The following SORCS3 variants were observed in gnomAD, a reference collection of about 807,000 sequenced individuals.
SORCS3 encodes sortilin related VPS10 domain containing receptor 3, also known as VPS10 domain-containing receptor SorCS3.
A neutral mutation model predicts 146.3 loss-of-function variants in SORCS3; 57 were observed. The observed-to-expected ratio is 0.39, with a 90% CI of 0.31 to 0.49. SORCS3 has a LOEUF of 0.49. Among genes scored for constraint, SORCS3 ranks in the 20% least tolerant of loss-of-function variants. The probability of loss-of-function intolerance (pLI) is 0.92; values close to 1 mark genes in which losing one functional copy is unlikely to be tolerated. For missense variants in SORCS3, 1,341 were observed against 1,575.5 expected (o/e 0.85, Z 2.52); for synonymous variants, 653 against 618.5 (o/e 1.06, Z -0.83).
chr10:105,027,913 A>G (rs919059311), intron 4 of SORCS3, among the ~76,000 whole-genome samples: 7 of 152,212 alleles, frequency 4.6e-5, no homozygotes, highest in Non-Finnish European at 8.8e-5. Flanking sequence ...ATGAATCACT[A>G]TATGTATTTA....
intron 2 of SORCS3, among the ~76,000 whole-genome samples, chr10:104,859,347 G>A (rs1460121172): frequency 6.6e-6 from 1 of 152,090 alleles, no homozygotes; most frequent in African/African-American, 2.4e-5. Flanking sequence ...AATGGTGCTG[G>A]GAAAATTGGC....
At chr10:105,212,659 G>A (rs1230616594) in intron 17 of SORCS3, among the ~76,000 whole-genome samples, 2 of 152,120 alleles carry the variant, frequency 1.3e-5, no homozygotes, top group African/African-American at 4.8e-5. Context: ...AAACAAATAT[G>A]CTACAGATGT....
chr10:105,134,483 C>T (rs1198115418), intron 7 of SORCS3, among the ~76,000 whole-genome samples: 6 of 151,292 alleles, frequency 4.0e-5, no homozygotes, highest in African/African-American at 7.3e-5. Context: ...AGTGAAGGCC[C>T]GGTGTCTGCT....
At chr10:105,187,072 G>C (rs991543316) in intron 14 of SORCS3, among the ~76,000 whole-genome samples, 1 of 152,056 alleles carries the variant, frequency 6.6e-6, no homozygotes, top group African/African-American at 2.4e-5. Flanking sequence ...GCCCATTACA[G>C]GGATTTAGTT....
chr10:105,252,493 A>G (rs760801685), intron 22 of SORCS3, among the ~76,000 whole-genome samples: 26 of 152,222 alleles, frequency 1.7e-4, no homozygotes, highest in Non-Finnish European at 3.5e-4. Flanking sequence ...ACTTTTGCCA[A>G]TGTTCCCAGC....
chr10:105,131,570 G>A (rs10884101), intron 7 of SORCS3, among the ~76,000 whole-genome samples: 13,007 of 152,192 alleles, frequency 0.085, 688 homozygotes, highest in Admixed American at 0.16. Context: ...AGAAACATCT[G>A]CCTTGGCCGT....
chr10:104,948,172 T>G (rs1190416692), intron 3 of SORCS3, among the ~76,000 whole-genome samples: 1 of 152,166 alleles, frequency 6.6e-6, no homozygotes, highest in Non-Finnish European at 1.5e-5. Flanking sequence ...CCCTGCCTGG[T>G]CCTGTCTTAA....
intron 1 of SORCS3, among the ~76,000 whole-genome samples, chr10:104,739,144 C>T (rs2016812159): frequency 6.6e-6 from 1 of 152,194 alleles, no homozygotes; most frequent in South Asian, 2.1e-4. Context: ...TCACTTTTGT[C>T]TCTGCTGCCA....
chr10:105,123,215 T>A (rs2055947800), intron 7 of SORCS3, among the ~76,000 whole-genome samples: 1 of 152,194 alleles, frequency 6.6e-6, no homozygotes, highest in Non-Finnish European at 1.5e-5. Flanking sequence ...ACACCCCAAG[T>A]CATCTTTGCA....
At chr10:105,126,228 G>A (rs892403081) in intron 7 of SORCS3, among the ~76,000 whole-genome samples, 15 of 152,040 alleles carry the variant, frequency 9.9e-5, no homozygotes, top group Admixed American at 9.8e-4. Context: ...GTAACACACA[G>A]CAAACAAACA....
chr10:105,092,059 A>G (rs996072783), intron 6 of SORCS3, among the ~76,000 whole-genome samples: 3 of 152,228 alleles, frequency 2.0e-5, no homozygotes, highest in Non-Finnish European at 4.4e-5. Flanking sequence ...CTCAGGCTTA[A>G]GACACATTAT....
chr10:104,958,924 C>T (rs369283990), intron 3 of SORCS3, among the ~76,000 whole-genome samples: 1 of 152,016 alleles, frequency 6.6e-6, no homozygotes, highest in East Asian at 1.9e-4. Context: ...CTCACTGTCA[C>T]GAGAACAGCA....
At chr10:105,262,228 T>C (rs968671261) in intron 25 of SORCS3, 103 bp from the exon 26 acceptor site, 1 of 1,046,486 alleles carries the variant, frequency 9.6e-7, no homozygotes. Flanking sequence ...CATGGACCCT[T>C]CCTATTAATA....
At chr10:105,177,551 A>G (rs763556466) in intron 13 of SORCS3, among the ~76,000 whole-genome samples, 3 of 151,328 alleles carry the variant, frequency 2.0e-5, no homozygotes, top group Non-Finnish European at 4.4e-5. Context: ...AACATCTCAG[A>G]CTCTCAGTGG....
chr10:105,016,155 A>ATATATATATTT (rs71482443), intron 4 of SORCS3, among the ~76,000 whole-genome samples: 14 of 101,342 alleles, frequency 1.4e-4, no homozygotes, highest in African/African-American at 5.8e-4. Flanking sequence ...ATATATATAT[A>ATATATATATTT]TTTTTTTTTT....
intron 7 of SORCS3, among the ~76,000 whole-genome samples, chr10:105,121,526 C>T (rs765730688): frequency 1.3e-5 from 2 of 152,114 alleles, no homozygotes; most frequent in Non-Finnish European, 2.9e-5. Flanking sequence ...TGCATTAGCA[C>T]CTAATAATTG....
intron 14 of SORCS3, among the ~76,000 whole-genome samples, chr10:105,190,511 G>C (rs563759083): frequency 3.5e-4 from 54 of 152,300 alleles, no homozygotes; most frequent in African/African-American, 1.2e-3. Flanking sequence ...CAGTTCTCCT[G>C]CTTTAGCCTC....
At chr10:104,663,577 A>AT (rs1401116722) in intron 1 of SORCS3, among the ~76,000 whole-genome samples, 4 of 152,004 alleles carry the variant, frequency 2.6e-5, no homozygotes, top group African/African-American at 9.7e-5. Context: ...AGCTCCCCAC[A>AT]TTTTCTGGAT....
In SORCS3 at chr10:104,731,597, A is replaced by G. The variant is rs78355490; in HGVS notation, c.627+89643A>G. ...TTCCAGACTCTAGGCTTTGGATCACACTGCCTTGCCCACTGTGATGTGTCT... is the reference window on the plus strand; with the variant it reads ...TTCCAGACTCTAGGCTTTGGATCACGCTGCCTTGCCCACTGTGATGTGTCT... On this transcript the variant is annotated intron_variant, in intron 1 of 26. Transcript: ENST00000369701. Among the ~76,000 whole-genome samples, 539 of 152,200 alleles carry G rather than the reference A, an allele frequency of 3.5e-3. 3 individuals carry two copies. The highest frequency in any genetic ancestry group is 0.02 in the Middle Eastern group (6 of 294).
Sources: allele counts gnomAD v4.1 joint callset (sites outside exome capture counted in the v4.1 genomes callset), GRCh38; gene constraint gnomAD v4.1.1; transcripts MANE v1.5; gene names NCBI Gene and HGNC (gene_info 2026-07-23, HGNC 2026-07-21).